CYREN: variants seen among roughly 807,000 people sequenced by gnomAD.
The protein encoded by CYREN is cell cycle regulator of non-homologous end joining.
Under a neutral mutation model 9.7 loss-of-function variants are expected in CYREN, and 7 were observed. The observed-to-expected ratio is 0.72, with a 90% CI of 0.41 to 1.36. CYREN has a LOEUF of 1.36. Among genes scored for constraint, CYREN ranks in the 40% most tolerant of loss-of-function variants. The pLI is 0.01. For synonymous variants in CYREN, 76 were observed against 77.9 expected, an observed-to-expected ratio of 0.98 and a Z score of 0.13; for missense variants, 215 against 198.1, an observed-to-expected ratio of 1.09 and a Z score of -0.51.
chr7:135,138,462 T>C (rs1180538421), intron 2 of CYREN, among the ~76,000 whole-genome samples: 1 of 151,962 alleles, frequency 6.6e-6, no homozygotes, highest in Non-Finnish European at 1.5e-5. Context: ...AAGCAAGTGG[T>C]ATAGGGTTAT....
intron 2 of CYREN, among the ~76,000 whole-genome samples, chr7:135,100,407 C>T (rs1316909670): frequency 6.6e-6 from 1 of 152,156 alleles, no homozygotes; most frequent in Non-Finnish European, 1.5e-5. Context: ...ATATCTCTAT[C>T]ACCCTTGGCA....
intron 2 of CYREN, among the ~76,000 whole-genome samples, chr7:135,122,509 G>A (rs192045349): frequency 2.4e-4 from 36 of 152,246 alleles, no homozygotes; most frequent in African/African-American, 7.5e-4. Flanking sequence ...TCCCCCCAGC[G>A]AAGCACACCC....
At chr7:135,167,954 G>A (rs982984794) in intron 2 of CYREN, 147 bp from the exon 3 acceptor site, 15 of 1,380,780 alleles carry the variant, frequency 1.1e-5, no homozygotes, top group Non-Finnish European at 1.4e-5. Context: ...TTTCTGACAC[G>A]GACACAATTT....
rs114995674 is a variant in CYREN at position 135,101,636 on chromosome 7, C to T, written n.357-7054G>A. On this transcript the variant is annotated intron_variant and non_coding_transcript_variant, in intron 2 of 2. Coordinates refer to the CYREN transcript ENST00000459937. Reference sequence around the variant, plus strand: ...AGACATGGGGTTTTCAGTTGAAAACCATCTTTTACTTCATCACTCTTTAGA... The same window carrying T: ...AGACATGGGGTTTTCAGTTGAAAACTATCTTTTACTTCATCACTCTTTAGA... 2.1e-3 allele frequency among the ~76,000 whole-genome samples: 317 copies of T among 152,138 alleles called. 1 individual carries two copies. The highest frequency in any genetic ancestry group is 7.0e-3 in the African/African-American group (289 of 41,492).
At chr7:135,156,833 CAT>C (rs996052862) in intron 2 of CYREN, among the ~76,000 whole-genome samples, 1 of 152,156 alleles carries the variant, frequency 6.6e-6, no homozygotes, top group Admixed American at 6.5e-5. Context: ...ATAATTCCCA[CAT>C]GTTGTGAGAG....
At chr7:135,154,537 G>A (rs887823158) in intron 2 of CYREN, among the ~76,000 whole-genome samples, 2 of 152,052 alleles carry the variant, frequency 1.3e-5, no homozygotes, top group African/African-American at 4.8e-5. Context: ...TAACCTGCAG[G>A]ATTTAGTACA....
At chr7:135,149,747 T>C (rs11543821) in intron 2 of CYREN, among the ~76,000 whole-genome samples, 39,467 of 152,144 alleles carry the variant, frequency 0.26, 5,751 homozygotes, top group East Asian at 0.58. Flanking sequence ...TATCTTTAAT[T>C]ACATTAGAAA....
intron 2 of CYREN, among the ~76,000 whole-genome samples, chr7:135,159,001 G>A (rs1585352426): frequency 1.3e-5 from 2 of 152,250 alleles, no homozygotes; most frequent in East Asian, 3.8e-4. Flanking sequence ...CCCTGGCCCA[G>A]TGGGTCGAGG....
At chr7:135,117,384 T>G (rs1052312624) in intron 2 of CYREN, among the ~76,000 whole-genome samples, 4 of 152,218 alleles carry the variant, frequency 2.6e-5, no homozygotes, top group African/African-American at 9.6e-5. Context: ...GCCCTATGAT[T>G]ACATTCAGAT....
In CYREN at chr7:135,159,222, C is replaced by T. The variant is rs547350380; in HGVS notation, n.356+9527G>A. Among the ~76,000 whole-genome samples, 11 of 152,308 alleles carry T rather than the reference C, an allele frequency of 7.2e-5. No homozygotes were observed. The South Asian group carries it at 1.9e-3, about 26-fold the overall frequency. ...CTAGACAATCTGTTCAAAATGGATC[C>T]ACTTACTATTCTGGTTTCTCACCAT... On this transcript the variant is annotated intron_variant and non_coding_transcript_variant, in intron 2 of 2. Transcript: ENST00000459937.
At chr7:135,146,323 C>G (rs894097716) in intron 2 of CYREN, among the ~76,000 whole-genome samples, 1 of 152,026 alleles carries the variant, frequency 6.6e-6, no homozygotes, top group Non-Finnish European at 1.5e-5. Context: ...CATGGCACCC[C>G]AAAACAATCA....
intron 2 of CYREN, among the ~76,000 whole-genome samples, chr7:135,108,196 GCATTTAGCCC>G (rs1390564857): frequency 6.6e-6 from 1 of 152,054 alleles, no homozygotes; most frequent in Non-Finnish European, 1.5e-5. Context: ...TTAAATGGGG[GCATTTAGCCC>G]ATTTACATTC....
At chr7:135,169,081 C>G in intron 1 of CYREN, 21 bp from the exon 2 acceptor site, 1 of 709,286 alleles carries the variant, frequency 1.4e-6, no homozygotes, top group Non-Finnish European at 2.3e-6. Flanking sequence ...CAATAAAGTC[C>G]GGTGAATTCC....
At chr7:135,148,230 C>T (rs1272951465) in intron 2 of CYREN, 1 of 409,164 alleles carries the variant, frequency 2.4e-6, no homozygotes, top group East Asian at 7.1e-5. Flanking sequence ...TCCTGCTTCT[C>T]CTTTTCATGA....
intron 2 of CYREN, among the ~76,000 whole-genome samples, chr7:135,155,378 T>G (rs1829764770): frequency 6.6e-6 from 1 of 152,232 alleles, no homozygotes; most frequent in African/African-American, 2.4e-5. Flanking sequence ...TGTTTATTGT[T>G]TTCAGGTTGT....
downstream of CYREN, chr7:135,165,093 G>C: frequency 7.0e-7 from 1 of 1,429,982 alleles, no homozygotes; most frequent in Non-Finnish European, 9.4e-7. Flanking sequence ...CTGATCTCCA[G>C]CTCCAGCGAT....
downstream of CYREN, among the ~76,000 whole-genome samples, chr7:135,162,203 G>C (rs1412169242): frequency 6.6e-6 from 1 of 152,192 alleles, no homozygotes; most frequent in African/African-American, 2.4e-5. Flanking sequence ...AAAGAGGAGG[G>C]AGCTGTTCCC....
At chr7:135,093,320 T>C (rs1822148514) in exon 3 of CYREN, 1 of 151,956 alleles carries the variant, frequency 6.6e-6, no homozygotes, top group African/African-American at 2.4e-5. Flanking sequence ...CACGCCACAC[T>C]ATTAGCACTA....
intron 2 of CYREN, among the ~76,000 whole-genome samples, chr7:135,108,347 TCTTTC>T (rs1825080475): frequency 6.6e-6 from 1 of 152,086 alleles, no homozygotes; most frequent in Non-Finnish European, 1.5e-5. Context: ...CTGGTATTGG[TCTTTC>T]CTTTCCATAT....
Sources: allele counts gnomAD v4.1 joint callset (sites outside exome capture counted in the v4.1 genomes callset), GRCh38; gene constraint gnomAD v4.1.1; transcripts MANE v1.5; gene names NCBI Gene and HGNC (gene_info 2026-07-23, HGNC 2026-07-21).